The following BCL7C variants were observed in gnomAD, a reference collection of about 807,000 sequenced individuals.
BCL7C encodes B-cell CLL/lymphoma 7 protein family member C.
Under a neutral mutation model 26.2 loss-of-function variants are expected in BCL7C, and 8 were observed. The observed-to-expected ratio is 0.30, with a 90% confidence interval of 0.18 to 0.55. The LOEUF (loss-of-function observed/expected upper bound fraction) is 0.55, where lower values mean the gene tolerates loss of function less well. BCL7C is among the 20% of genes least tolerant of loss of function. BCL7C has a pLI of 0.93. For missense variants in BCL7C, 262 were observed against 298.5 expected, an observed-to-expected ratio of 0.88 and a Z score of 0.90; for synonymous variants, 90 against 116.5, an observed-to-expected ratio of 0.77 and a Z score of 1.47.
At chr16:30,883,979 G>T (rs914794058), downstream of BCL7C, among the ~76,000 whole-genome samples, 64 of 151,322 alleles carry the variant, frequency 4.2e-4, no homozygotes, top group Non-Finnish European at 9.0e-4. Context: ...CAAAAAATTA[G>T]CCGGGCGAGG....
chr16:30,891,954 T>G, intron 4 of BCL7C, among the ~76,000 whole-genome samples: 1 of 141,232 alleles, frequency 7.1e-6, no homozygotes, highest in African/African-American at 2.7e-5. Context: ...ACAGAGACCT[T>G]GTCTCTAAAA....
chr16:30,847,951 G>C (rs1224826128), intron 5 of BCL7C, among the ~76,000 whole-genome samples: 1 of 151,998 alleles, frequency 6.6e-6, no homozygotes, highest in South Asian at 2.1e-4. Flanking sequence ...ATGGGAAGAT[G>C]GGTGCTAAGG....
rs193251221 is a variant in BCL7C, at chr16:30,844,798, C to T, written c.529-9650G>A. On this transcript the variant is annotated intron_variant, in intron 5 of 5. Transcript: ENST00000380317. The stretch of plus-strand genomic sequence containing the variant: ...TGTCTCAGCTCTAAATGTCACCCTC[C>T]AGTACCTGCTCTAAGATAACGGGCT... Among the ~76,000 whole-genome samples, 377 of 152,286 alleles carry T rather than the reference C, an allele frequency of 2.5e-3. 3 individuals are homozygous for T. The highest frequency in any genetic ancestry group is 2.2e-3 in the Non-Finnish European group (153 of 68,024).
At chr16:30,851,634 G>C in intron 5 of BCL7C, 1 of 565,748 alleles carries the variant, frequency 1.8e-6, no homozygotes, top group Non-Finnish European at 3.2e-6. Context: ...AGGCCTTGCA[G>C]TTTTTGGTGC....
In BCL7C at chr16:30,887,834, C is replaced by G; in HGVS notation, c.*31G>C. On this transcript the variant is annotated 3_prime_UTR_variant, in exon 6 of 6. Coordinates refer to ENST00000215115, the MANE Select transcript of BCL7C (RefSeq NM_004765.4). ...TTATTTGTAAAAAGCCAAAGGGGCC[C>G]CTGGGGCAACAGGACAGGCAGGCCG... The G allele has an allele frequency of 6.5e-7, 1 of 1,538,358 alleles. No individual in the cohort carries two copies. The highest frequency in any genetic ancestry group is 8.7e-7 in the Non-Finnish European group (1 of 1,149,884).
intron 5 of BCL7C, among the ~76,000 whole-genome samples, chr16:30,859,218 T>A (rs1385893433): frequency 1.3e-5 from 2 of 152,216 alleles, no homozygotes; most frequent in South Asian, 2.1e-4. Context: ...GAGTTAGCAA[T>A]GAATTATGCA....
intron 5 of BCL7C, among the ~76,000 whole-genome samples, chr16:30,842,752 T>C (rs559519040): frequency 6.6e-6 from 1 of 152,186 alleles, no homozygotes; most frequent in East Asian, 1.9e-4. Flanking sequence ...GTATTTTTAG[T>C]ACAGACAGGG....
intron 5 of BCL7C, among the ~76,000 whole-genome samples, chr16:30,835,636 A>G (rs551594890): frequency 7.3e-4 from 111 of 151,254 alleles, no homozygotes; most frequent in Admixed American, 2.5e-3. Context: ...ACCTGAGGTC[A>G]GGAGTTGGAG....
intron 5 of BCL7C, among the ~76,000 whole-genome samples, chr16:30,861,933 A>C (rs1225081672): frequency 2.3e-5 from 3 of 132,930 alleles, no homozygotes; most frequent in Non-Finnish European, 3.0e-5. Flanking sequence ...GCGTGATCTC[A>C]GGTCAATGCA....
intron 5 of BCL7C, among the ~76,000 whole-genome samples, chr16:30,860,155 T>C (rs2054758209): frequency 6.6e-6 from 1 of 152,244 alleles, no homozygotes; most frequent in Admixed American, 6.5e-5. Context: ...GAGACACATT[T>C]TATCCGTGGA....
chr16:30,839,654 A>G (rs2151359217), intron 5 of BCL7C, among the ~76,000 whole-genome samples: 1 of 152,332 alleles, frequency 6.6e-6, no homozygotes, highest in South Asian at 2.1e-4. Context: ...CCACTACCCA[A>G]CATCCAGCAA....
chr16:30,846,729 G>T (rs761710536), intron 5 of BCL7C, among the ~76,000 whole-genome samples: 2 of 152,218 alleles, frequency 1.3e-5, no homozygotes, highest in African/African-American at 4.8e-5. Flanking sequence ...CACTGGGAGT[G>T]ATCCCAGGAG....
chr16:30,887,516 C>T (rs1183207544), downstream of BCL7C, among the ~76,000 whole-genome samples: 2 of 150,984 alleles, frequency 1.3e-5, no homozygotes, highest in African/African-American at 4.9e-5. Context: ...GGCCTAGCTA[C>T]CCAGAGTTTT....
intron 5 of BCL7C, among the ~76,000 whole-genome samples, chr16:30,860,967 T>G (rs566129484): frequency 6.6e-6 from 1 of 152,212 alleles, no homozygotes; most frequent in African/African-American, 2.4e-5. Context: ...CTTACAGTTT[T>G]TTTCCGCGAC....
chr16:30,852,334 G>A (rs933599707), intron 5 of BCL7C: 4 of 151,458 alleles, frequency 2.6e-5, no homozygotes, highest in Non-Finnish European at 5.9e-5. Context: ...TAAAATAAAC[G>A]TAAAATAAAC....
intron 5 of BCL7C, among the ~76,000 whole-genome samples, chr16:30,858,966 C>T (rs1390657586): frequency 6.6e-6 from 1 of 152,134 alleles, no homozygotes; most frequent in Non-Finnish European, 1.5e-5. Flanking sequence ...TCTAAGGGTG[C>T]CCATCTACAA....
At chr16:30,858,013 C>T (rs1416457660) in intron 5 of BCL7C, among the ~76,000 whole-genome samples, 2 of 151,554 alleles carry the variant, frequency 1.3e-5, no homozygotes, top group Non-Finnish European at 2.9e-5. Context: ...AAAAGCCATG[C>T]CTTGGATTGT....
chr16:30,893,351 C>G lies in BCL7C; in HGVS notation c.93-61G>C. 2.2e-6 allele frequency: 3 copies of G among 1,355,622 alleles called. No individual in the cohort carries two copies. The highest frequency in any genetic ancestry group is 3.1e-6 in the Non-Finnish European group (3 of 965,442). 84.0% of individuals were successfully genotyped at this position (1,355,622 alleles called of 1,614,324 possible). ...GAGGGGAGACCCACCCCCCTAGGAG[C>G]TGGACACATCTGGGGGTACCTGCAG... On this transcript the variant is annotated intron_variant, in intron 1 of 5. Coordinates refer to ENST00000215115, the MANE Select transcript of BCL7C (RefSeq NM_004765.4). The surrounding 1 kb of genome is among the most constrained non-coding windows in gnomAD (Gnocchi z 5.2).
chr16:30,892,495 C>T (rs533897109), intron 4 of BCL7C, 91 bp downstream of exon 4: 164 of 1,361,538 alleles, frequency 1.2e-4, no homozygotes, highest in East Asian at 1.4e-4. Context: ...GTGCACAAGA[C>T]GGGGAGCAGG....
Sources: gnomAD v4.1 joint callset for allele counts (sites outside exome capture counted in the v4.1 genomes callset) on GRCh38, gnomAD v4.1.1 for gene constraint, Gnocchi (gnomAD v3.1) non-coding constraint, MANE v1.5 for transcripts, NCBI Gene and HGNC (gene_info 2026-07-23, HGNC 2026-07-21) for gene names.